Variants in ZNF718 observed in about 807,000 individuals in gnomAD.
ZNF718 encodes the protein zinc finger protein 718.
Under a neutral mutation model 2.6 loss-of-function variants are expected in ZNF718, and 3 were observed. The observed-to-expected ratio is 1.16, with a 90% CI of 0.53 to 3.01. The LOEUF is 3.01. Among genes scored for constraint, ZNF718 ranks in the 30% most tolerant of loss-of-function variants. The pLI, the probability that ZNF718 is intolerant of heterozygous loss-of-function variation, is 0.03. For synonymous variants in ZNF718, 135 were observed against 77.9 expected (o/e 1.73, Z -3.86); for missense variants, 468 against 230.0 (o/e 2.03, Z -6.69).
rs1239965590 is a variant in ZNF718, at chr4:133,258, A to T, written c.226+1753A>T. ...AACACTAATAATAGCTGATGAGTTT[A>T]AAAAAAAAAAGGTTTGTGAATAATT... On this transcript the variant is annotated intron_variant, in intron 3 of 3. Transcript: ENST00000510175. Among the ~76,000 whole-genome samples, 2 of 29,590 alleles carry T rather than the reference A, an allele frequency of 6.8e-5. 1 individual carries two copies. Among genetic ancestry groups the T allele is most frequent in the African/African-American group, 2.2e-4 (2 of 9,132 alleles). The allele number at this position is 29,590 out of a possible 152,430, so 19.4% of individuals were successfully genotyped here.
intron 3 of ZNF718, among the ~76,000 whole-genome samples, chr4:156,929 A>G (rs1230535395): frequency 1.3e-5 from 2 of 152,110 alleles, no homozygotes; most frequent in Admixed American, 1.3e-4. Flanking sequence ...TCATGTGACC[A>G]TGTATATGAG....
At chr4:185,128 A>G (rs1553820321) in intron 3 of ZNF718, among the ~76,000 whole-genome samples, 1 of 152,054 alleles carries the variant, frequency 6.6e-6, no homozygotes, top group African/African-American at 2.4e-5. Context: ...GCTTTTTAAT[A>G]TGGACATCTA....
At chr4:135,311 T>G (rs1581425516) in intron 3 of ZNF718, among the ~76,000 whole-genome samples, 1 of 151,920 alleles carries the variant, frequency 6.6e-6, no homozygotes, top group East Asian at 1.9e-4. Context: ...TTAGGAAGTC[T>G]TGATGACGTG....
intron 1 of ZNF718, among the ~76,000 whole-genome samples, chr4:127,104 G>T (rs112285206): frequency 0.013 from 1,937 of 151,310 alleles, 48 homozygotes; most frequent in African/African-American, 0.044. Context: ...GATTATAGGC[G>T]TGAGCCACCG....
chr4:171,326 G>A (rs1192073415), intron 3 of ZNF718, among the ~76,000 whole-genome samples: 5 of 152,192 alleles, frequency 3.3e-5, no homozygotes, highest in South Asian at 2.1e-4. Flanking sequence ...TCTGTTCTCA[G>A]ATGTCCAGCT....
intron 3 of ZNF718, chr4:136,572 A>G (rs1341312243): frequency 4.3e-6 from 2 of 465,634 alleles, no homozygotes; most frequent in Non-Finnish European, 8.7e-6. Flanking sequence ...CTTTTTCCAA[A>G]TATCCCTACT....
intron 3 of ZNF718, among the ~76,000 whole-genome samples, chr4:182,824 C>T (rs1420088991): frequency 6.6e-6 from 1 of 152,062 alleles, no homozygotes; most frequent in East Asian, 1.9e-4. Context: ...CTGTTAATAT[C>T]CTTTGCCCAC....
At chr4:154,733 C>G (rs1397846162) in intron 3 of ZNF718, among the ~76,000 whole-genome samples, 12 of 152,182 alleles carry the variant, frequency 7.9e-5, no homozygotes, top group African/African-American at 2.2e-4. Context: ...TTCAGAAATT[C>G]TACAGCCTGA....
intron 3 of ZNF718, among the ~76,000 whole-genome samples, chr4:159,653 AT>A (rs1265985527): frequency 6.6e-6 from 1 of 151,818 alleles, no homozygotes; most frequent in African/African-American, 2.4e-5. Context: ...TGTTTTTTAT[AT>A]TTTTAATGTT....
intron 3 of ZNF718, among the ~76,000 whole-genome samples, chr4:158,294 G>C (rs1331603620): frequency 1.3e-5 from 2 of 151,890 alleles, no homozygotes; most frequent in Non-Finnish European, 2.9e-5. Context: ...AAGCAGGTTG[G>C]ATCTTGTTTT....
At chr4:147,915 T>TA (rs1299461532) in intron 3 of ZNF718, among the ~76,000 whole-genome samples, 1 of 152,052 alleles carries the variant, frequency 6.6e-6, no homozygotes, top group Non-Finnish European at 1.5e-5. Context: ...GATACAGTAA[T>TA]GTTATCTGGT....
downstream of ZNF718, among the ~76,000 whole-genome samples, chr4:165,174 A>G (rs575702789): frequency 4.6e-5 from 7 of 152,090 alleles, no homozygotes; most frequent in African/African-American, 9.7e-5. Context: ...GTAATTTCAC[A>G]TGGATTTTCT....
At position 161,489 on chromosome 4, in the gene ZNF718, A is replaced by G; in HGVS notation, c.804A>G (p.Ser268=). The change falls in exon 4 of 4, where the codon TCA becomes TCG. Residue 268 remains serine, a synonymous_variant. Coordinates refer to ENST00000510175, the MANE Select transcript of ZNF718 (RefSeq NM_001039127.6). ...GTGGTAAAGCTTTTAACCAATCCTCAACCCTTAATTTACATAAGAGAATTC... is the reference window on the plus strand; with the variant it reads ...GTGGTAAAGCTTTTAACCAATCCTCGACCCTTAATTTACATAAGAGAATTC... ...EKCGKAFNQS[S]TLNLHKRIHS... 1 of 780,660 alleles carries G rather than the reference A, an allele frequency of 1.3e-6. No homozygotes were observed. Among genetic ancestry groups the G allele is most frequent in the East Asian group, 2.4e-5 (1 of 41,248 alleles). The allele number at this position is 780,660 out of a possible 1,614,324, so 48.4% of individuals were successfully genotyped here.
chr4:142,233 C>A (rs1163545426), intron 3 of ZNF718, among the ~76,000 whole-genome samples: 1 of 152,186 alleles, frequency 6.6e-6, no homozygotes, highest in Non-Finnish European at 1.5e-5. Context: ...CAAATTAAAA[C>A]TTCTATCATA....
chr4:147,503 A>G (rs1348112814), intron 3 of ZNF718, among the ~76,000 whole-genome samples: 2 of 152,212 alleles, frequency 1.3e-5, no homozygotes, highest in East Asian at 3.9e-4. Flanking sequence ...CATGCTTGGC[A>G]GACCTGTAAT....
intron 3 of ZNF718, among the ~76,000 whole-genome samples, chr4:184,042 G>A (rs1197318582): frequency 1.3e-5 from 2 of 152,022 alleles, no homozygotes; most frequent in Admixed American, 6.6e-5. Context: ...TTCCAATACT[G>A]TGTTGAATAA....
intron 3 of ZNF718, among the ~76,000 whole-genome samples, chr4:198,997 C>G (rs1553822409): frequency 6.6e-6 from 1 of 152,196 alleles, no homozygotes. Flanking sequence ...CTGGAAATAG[C>G]AGAGCAGCTG....
chr4:165,950 G>C (rs1717077557), downstream of ZNF718, among the ~76,000 whole-genome samples: 1 of 152,086 alleles, frequency 6.6e-6, no homozygotes, highest in Non-Finnish European at 1.5e-5. Flanking sequence ...TTGGTGTGCT[G>C]CACCCATTAA....
intron 3 of ZNF718, among the ~76,000 whole-genome samples, chr4:140,309 A>G (rs1715758874): frequency 6.6e-6 from 1 of 152,150 alleles, no homozygotes; most frequent in Non-Finnish European, 1.5e-5. Context: ...GCGGACCTCA[A>G]CCTTCCCAAA....
Sources: allele counts gnomAD v4.1 joint callset (sites outside exome capture counted in the v4.1 genomes callset), GRCh38; gene constraint gnomAD v4.1.1; transcripts MANE v1.5; gene names NCBI Gene and HGNC (gene_info 2026-07-23, HGNC 2026-07-21).